The following PRMT3 variants were observed in gnomAD, a reference collection of about 807,000 sequenced individuals.
PRMT3 encodes protein arginine methyltransferase 3, also known as protein arginine N-methyltransferase 3.
A neutral mutation model predicts 71.9 loss-of-function variants in PRMT3; 62 were observed. That is an observed-to-expected ratio of 0.86 (90% CI 0.70 to 1.07). PRMT3 has a LOEUF of 1.07. Ranked by LOEUF, PRMT3 falls within the 50% of genes least tolerant of loss-of-function variation. PRMT3 has a pLI of 0.00. For synonymous variants in PRMT3, 213 were observed against 220.4 expected (o/e 0.97, Z 0.30); for missense variants, 663 against 643.0 (o/e 1.03, Z -0.34).
At chr11:20,477,808 C>G (rs1421659533) in intron 13 of PRMT3, among the ~76,000 whole-genome samples, 2 of 142,250 alleles carry the variant, frequency 1.4e-5, no homozygotes, top group South Asian at 2.5e-4. Flanking sequence ...AGAAACCCCC[C>G]CCCCCCACTT....
intron 9 of PRMT3, among the ~76,000 whole-genome samples, chr11:20,421,014 A>T (rs563335405): frequency 6.6e-6 from 1 of 152,298 alleles, no homozygotes; most frequent in East Asian, 1.9e-4. Flanking sequence ...ATACGTAATT[A>T]ATCAGAGTTT....
chr11:20,482,163 T>G (rs1850952639), intron 13 of PRMT3, among the ~76,000 whole-genome samples: 1 of 152,080 alleles, frequency 6.6e-6, no homozygotes, highest in Non-Finnish European at 1.5e-5. Flanking sequence ...TTGAAAGCCA[T>G]GCTGAAAAAT....
intron 10 of PRMT3, among the ~76,000 whole-genome samples, chr11:20,437,350 TCA>T (rs1849782308): frequency 6.6e-6 from 1 of 152,226 alleles, no homozygotes; most frequent in African/African-American, 2.4e-5. Flanking sequence ...GTATTTGAAA[TCA>T]TTCAACTTTT....
At chr11:20,482,971 T>C (rs1367306809) in intron 13 of PRMT3, among the ~76,000 whole-genome samples, 5 of 152,062 alleles carry the variant, frequency 3.3e-5, no homozygotes, top group Non-Finnish European at 7.4e-5. Context: ...CAGAAGGGCT[T>C]AGGTGGTGAG....
At chr11:20,419,824 G>A (rs1272346027) in intron 9 of PRMT3, among the ~76,000 whole-genome samples, 2 of 152,108 alleles carry the variant, frequency 1.3e-5, no homozygotes, top group African/African-American at 4.8e-5. Flanking sequence ...CAGTAGAACC[G>A]AAAATCACAA....
At chr11:20,476,942 ATACGGAC>A (rs1850804337) in intron 13 of PRMT3, among the ~76,000 whole-genome samples, 1 of 152,214 alleles carries the variant, frequency 6.6e-6, no homozygotes, top group Admixed American at 6.5e-5. Context: ...TAAAAGAATA[ATACGGAC>A]TAGAGTAGGT....
chr11:20,417,435 T>G (rs1321969791), intron 9 of PRMT3, among the ~76,000 whole-genome samples: 1 of 152,184 alleles, frequency 6.6e-6, no homozygotes, highest in Admixed American at 6.5e-5. Context: ...ATCACTAACT[T>G]TAAATGCACT....
chr11:20,490,766 A>G (rs73451327), intron 13 of PRMT3, among the ~76,000 whole-genome samples: 6,001 of 151,990 alleles, frequency 0.039, 359 homozygotes, highest in African/African-American at 0.13. Flanking sequence ...AAGGTACACT[A>G]AAAATTTTGA....
chr11:20,476,756 T>G (rs878949484), intron 13 of PRMT3, among the ~76,000 whole-genome samples: 1 of 2,374 alleles, frequency 4.2e-4, no homozygotes, highest in Non-Finnish European at 2.5e-3. Context: ...ATTTTTAGAG[T>G]TTTTTTATCT....
intron 13 of PRMT3, among the ~76,000 whole-genome samples, chr11:20,480,759 G>A (rs1284646348): frequency 1.3e-5 from 2 of 151,972 alleles, no homozygotes; most frequent in African/African-American, 4.8e-5. Flanking sequence ...TAGATGATGG[G>A]GAGTGAGGGC....
intron 2 of PRMT3, 69 bp from the exon 3 acceptor site, chr11:20,389,675 A>G: frequency 1.9e-6 from 2 of 1,065,152 alleles, no homozygotes; most frequent in Admixed American, 2.1e-5. Flanking sequence ...AAAAGTGTAT[A>G]TGTAACATGA....
intron 15 of PRMT3, among the ~76,000 whole-genome samples, chr11:20,499,811 T>C (rs1851415935): frequency 6.6e-6 from 1 of 152,158 alleles, no homozygotes; most frequent in Non-Finnish European, 1.5e-5. Context: ...TAAAACTAAA[T>C]GCTGCCTCCA....
intron 13 of PRMT3, among the ~76,000 whole-genome samples, chr11:20,476,605 C>CACTT (rs1217983509): frequency 6.6e-6 from 1 of 152,156 alleles, no homozygotes; most frequent in Non-Finnish European, 1.5e-5. Context: ...GTATGGTAGT[C>CACTT]ACTTCATAAG....
At chr11:20,412,723 A>C (rs929113303) in intron 9 of PRMT3, among the ~76,000 whole-genome samples, 18 of 80,788 alleles carry the variant, frequency 2.2e-4, no homozygotes, top group Admixed American at 7.2e-4. Context: ...TTAATAATAA[A>C]ATTGCTAACA....
Position 20,426,836 on chromosome 11 carries a change from A to G in PRMT3, c.964A>G (p.Lys322Glu). ...KIEEVHLPVE[K>E]VDVIISEWMG... ...TGAAGAAGTTCATCTTCCTGTAGAA[A>G]AAGTAGATGTTATCATATCTGAGTG... Residue 322 changes from lysine to glutamate, a missense_variant, in exon 10 of 16, where the codon AAA (lysine) becomes GAA (glutamate). Physicochemically the swap from Lys to Glu is moderately conservative, Grantham distance 56 (BLOSUM62 1). Transcript: ENST00000331079. The G allele has an allele frequency of 1.0e-5, 16 of 1,529,646 alleles. No homozygotes were observed. The highest frequency in any genetic ancestry group is 1.4e-5 in the Non-Finnish European group (16 of 1,150,292). 94.8% of individuals were successfully genotyped at this position (1,529,646 alleles called of 1,614,324 possible).
chr11:20,388,206 G>C, intron 2 of PRMT3, 52 bp downstream of exon 2: 1 of 1,608,342 alleles, frequency 6.2e-7, no homozygotes, highest in Non-Finnish European at 8.5e-7. Flanking sequence ...GGGCGCGTGG[G>C]GTCTGTGTGC....
intron 11 of PRMT3, among the ~76,000 whole-genome samples, chr11:20,458,444 G>A (rs987329741): frequency 3.9e-5 from 6 of 152,204 alleles, no homozygotes; most frequent in Non-Finnish European, 8.8e-5. Flanking sequence ...GAAGGACACA[G>A]ATGTCAAAGC....
At chr11:20,449,161 TCTG>T (rs1850094864) in intron 10 of PRMT3, among the ~76,000 whole-genome samples, 1 of 152,192 alleles carries the variant, frequency 6.6e-6, no homozygotes. Flanking sequence ...AATCTTTTCA[TCTG>T]CTAATATTTT....
chr11:20,415,436 C>T (rs867786264), intron 9 of PRMT3, among the ~76,000 whole-genome samples: 2 of 152,098 alleles, frequency 1.3e-5, no homozygotes. Flanking sequence ...GCTGTACTCA[C>T]AGCTAGGATT....
Sources: allele counts gnomAD v4.1 joint callset (sites outside exome capture counted in the v4.1 genomes callset), GRCh38; gene constraint gnomAD v4.1.1; transcripts MANE v1.5; gene names NCBI Gene and HGNC (gene_info 2026-07-23, HGNC 2026-07-21).